Variants in BAIAP2L1 observed in about 807,000 individuals in gnomAD.
The protein encoded by BAIAP2L1 is BAR/IMD domain containing adaptor protein 2 like 1.
BAIAP2L1 carries 35 observed loss-of-function variants against 66.3 expected under a neutral mutation model. That is an observed-to-expected ratio of 0.53 (90% CI 0.40 to 0.70). The LOEUF (loss-of-function observed/expected upper bound fraction) is 0.70, where lower values mean the gene tolerates loss of function less well. BAIAP2L1 is among the 30% of genes least tolerant of loss of function. The pLI, the probability that BAIAP2L1 is intolerant of heterozygous loss-of-function variation, is 0.00. For synonymous variants in BAIAP2L1, 269 were observed against 248.7 expected (o/e 1.08, Z -0.77); for missense variants, 622 against 656.9 (o/e 0.95, Z 0.58).
At chr7:98,310,416 C>T (rs906202328) in intron 9 of BAIAP2L1, 29 bp downstream of exon 9, 1 of 1,564,998 alleles carries the variant, frequency 6.4e-7, no homozygotes, top group African/African-American at 1.4e-5. Flanking sequence ...TAAAAGGTAT[C>T]TTCAAATAAA....
At chr7:98,395,886 C>T (rs12533595) in intron 1 of BAIAP2L1, among the ~76,000 whole-genome samples, 23 of 152,094 alleles carry the variant, frequency 1.5e-4, no homozygotes, top group African/African-American at 4.3e-4. Flanking sequence ...AAAAATTAGC[C>T]GGGCATGGCG....
At chr7:98,375,392 T>G (rs983885136) in intron 1 of BAIAP2L1, among the ~76,000 whole-genome samples, 11 of 140,350 alleles carry the variant, frequency 7.8e-5, no homozygotes, top group Middle Eastern at 3.9e-3. Flanking sequence ...ACACTCCATC[T>G]TAAAAAAAAA....
At chr7:98,379,426 G>C (rs1009619767) in intron 1 of BAIAP2L1, among the ~76,000 whole-genome samples, 1 of 152,154 alleles carries the variant, frequency 6.6e-6, no homozygotes, top group Non-Finnish European at 1.5e-5. Flanking sequence ...TTGAGCATTA[G>C]GTAATGGTGC....
chr7:98,387,682 A>C (rs774917868), intron 1 of BAIAP2L1, among the ~76,000 whole-genome samples: 3 of 149,672 alleles, frequency 2.0e-5, no homozygotes, highest in Non-Finnish European at 3.0e-5. Flanking sequence ...CAACAAAGTG[A>C]GGCAGGCCCT....
rs2115886141 is a variant in BAIAP2L1, at chr7:98,400,956, A to G, written c.-104T>C. On this transcript the variant is annotated 5_prime_UTR_variant, in exon 1 of 14. Transcript: ENST00000005260. Reference sequence around the variant, plus strand: ...CCGGGGCGCGACTAAGGGGCTCTGGAGGGTCGGCCGCCGCCGCAGCCGTCG... The same window carrying G: ...CCGGGGCGCGACTAAGGGGCTCTGGGGGGTCGGCCGCCGCCGCAGCCGTCG... 1 of 1,090,650 alleles carries G rather than the reference A, an allele frequency of 9.2e-7. No homozygotes were observed. 67.6% of individuals were successfully genotyped at this position (1,090,650 alleles called of 1,614,324 possible). A position where few individuals can be genotyped will look rare whatever the true frequency, so the allele number is the denominator to read the frequency against.
chr7:98,386,644 CTTTT>C, intron 1 of BAIAP2L1: 6 of 1,105,354 alleles, frequency 5.4e-6, no homozygotes, highest in East Asian at 3.5e-5. Context: ...TTTCCGAGAA[CTTTT>C]TTTTGTCTCT....
intron 7 of BAIAP2L1, 142 bp downstream of exon 7, chr7:98,315,318 G>A (rs1801032304): frequency 3.1e-6 from 2 of 647,176 alleles, no homozygotes; most frequent in East Asian, 7.1e-5. Context: ...TATAGAGACA[G>A]AGTTTTGCCA....
chr7:98,397,649 T>C (rs1474769726), intron 1 of BAIAP2L1, among the ~76,000 whole-genome samples: 1 of 152,032 alleles, frequency 6.6e-6, no homozygotes, highest in African/African-American at 2.4e-5. Flanking sequence ...TCTTTAACAG[T>C]TCTAGGAAGG....
At chr7:98,305,202 TA>T (rs1325512825) in intron 11 of BAIAP2L1, among the ~76,000 whole-genome samples, 5 of 151,636 alleles carry the variant, frequency 3.3e-5, no homozygotes, top group African/African-American at 1.2e-4. Context: ...AAAAATTATT[TA>T]AAAGACATGA....
intron 1 of BAIAP2L1, among the ~76,000 whole-genome samples, chr7:98,376,740 G>A (rs1802642451): frequency 1.3e-5 from 2 of 151,852 alleles, no homozygotes; most frequent in Non-Finnish European, 1.5e-5. Context: ...GCTGAGGCAG[G>A]AGAATCACTT....
intron 3 of BAIAP2L1, among the ~76,000 whole-genome samples, chr7:98,336,401 G>A (rs1801617934): frequency 6.6e-6 from 1 of 152,166 alleles, no homozygotes; most frequent in Non-Finnish European, 1.5e-5. Flanking sequence ...ATCACTTGAG[G>A]TCAGGAGTTC....
In BAIAP2L1 at chr7:98,355,178, G is replaced by C. The variant is rs754569657; in HGVS notation, c.128-50C>G. ...AATCGTCACTTAGACAAGGAAAGGA[G>C]GAAGCAACACAAGTTTTCTTCCAAA... On this transcript the variant is annotated intron_variant, in intron 2 of 13. Transcript: ENST00000005260. 8.3e-6 allele frequency: 11 copies of C among 1,329,930 alleles called. No individual in the cohort carries two copies. The East Asian group carries it at 2.3e-4, about 28-fold the overall frequency. 82.4% of individuals were successfully genotyped at this position (1,329,930 alleles called of 1,614,324 possible).
intron 3 of BAIAP2L1, among the ~76,000 whole-genome samples, chr7:98,341,118 T>C (rs1346306304): frequency 6.6e-6 from 1 of 152,084 alleles, no homozygotes; most frequent in Non-Finnish European, 1.5e-5. Flanking sequence ...AAGGCATTTA[T>C]CATGTGCTTG....
At chr7:98,354,687 A>G (rs1802079344) in intron 3 of BAIAP2L1, among the ~76,000 whole-genome samples, 1 of 152,170 alleles carries the variant, frequency 6.6e-6, no homozygotes, top group Non-Finnish European at 1.5e-5. Context: ...CTACTAGGTG[A>G]GTCACAGGAA....
intron 8 of BAIAP2L1, 26 bp from the exon 9 acceptor site, chr7:98,310,618 A>G: frequency 1.3e-6 from 2 of 1,533,752 alleles, no homozygotes; most frequent in East Asian, 4.8e-5. Flanking sequence ...TATTAGTCCA[A>G]TATTAGTATA....
chr7:98,348,120 A>C (rs1232655156), intron 3 of BAIAP2L1, among the ~76,000 whole-genome samples: 2 of 152,120 alleles, frequency 1.3e-5, no homozygotes, highest in African/African-American at 4.8e-5. Context: ...CATGTATCCC[A>C]GAACTTAAAG....
intron 1 of BAIAP2L1, among the ~76,000 whole-genome samples, chr7:98,374,007 T>C (rs984541327): frequency 2.6e-5 from 4 of 152,000 alleles, no homozygotes; most frequent in Non-Finnish European, 5.9e-5. Context: ...GGCTGGAGTA[T>C]AGAGGCAAGA....
chr7:98,307,341 G>A lies in BAIAP2L1; in HGVS notation c.1163+348C>T, dbSNP rs146403049. 9.0e-3 allele frequency: 9,456 copies of A among 1,047,590 alleles called. 54 individuals are homozygous for A. Among genetic ancestry groups the A allele is most frequent in the Non-Finnish European group, 0.011 (8,894 of 839,930 alleles). 64.9% of individuals were successfully genotyped at this position (1,047,590 alleles called of 1,614,324 possible). ...GGCTGGTCTGGAACTCCTAACCTCA[G>A]GTGATCTGCCCGCCTTAGCCTCCCA... On this transcript the variant is annotated intron_variant, in intron 10 of 13. Transcript: ENST00000005260.
chr7:98,340,416 T>A (rs1208211922), intron 3 of BAIAP2L1, among the ~76,000 whole-genome samples: 2 of 152,106 alleles, frequency 1.3e-5, no homozygotes, highest in African/African-American at 4.8e-5. Flanking sequence ...GCCTCCTGAG[T>A]AGCTGGGACT....
Sources: allele counts gnomAD v4.1 joint callset (sites outside exome capture counted in the v4.1 genomes callset), GRCh38; gene constraint gnomAD v4.1.1; transcripts MANE v1.5; gene names NCBI Gene and HGNC (gene_info 2026-07-23, HGNC 2026-07-21).